The following SMYD3 variants were observed in gnomAD, a reference collection of about 807,000 sequenced individuals.
SMYD3 encodes the protein SET and MYND domain containing 3.
Under a neutral mutation model 57.7 loss-of-function variants are expected in SMYD3, and 36 were observed. The ratio of observed to expected loss-of-function variants is 0.62; its 90% CI spans 0.48 to 0.82. SMYD3 has a LOEUF of 0.82. Among genes scored for constraint, SMYD3 ranks in the 40% least tolerant of loss-of-function variants. The pLI is 0.00. For missense variants in SMYD3, 515 were observed against 538.8 expected (o/e 0.96, Z 0.44); for synonymous variants, 211 against 195.0 (o/e 1.08, Z -0.68).
At chr1:246,317,617 C>T (rs947638735) in intron 5 of SMYD3, among the ~76,000 whole-genome samples, 5 of 152,184 alleles carry the variant, frequency 3.3e-5, no homozygotes, top group African/African-American at 1.2e-4. Flanking sequence ...GCCTTTCAGG[C>T]TACAATGGCA....
chr1:246,088,412 A>G (rs1012359489), intron 5 of SMYD3, among the ~76,000 whole-genome samples: 1 of 150,732 alleles, frequency 6.6e-6, no homozygotes, highest in Non-Finnish European at 1.5e-5. Context: ...GATCGAGACC[A>G]TCCTGGCTAA....
intron 5 of SMYD3, among the ~76,000 whole-genome samples, chr1:246,308,607 A>G (rs2148628202): frequency 6.6e-6 from 1 of 152,338 alleles, no homozygotes; most frequent in East Asian, 1.9e-4. Flanking sequence ...TCAAAACAGC[A>G]ATACCATATG....
At chr1:246,257,883 C>T (rs1023130893) in intron 5 of SMYD3, among the ~76,000 whole-genome samples, 5 of 152,168 alleles carry the variant, frequency 3.3e-5, no homozygotes, top group African/African-American at 4.8e-5. Flanking sequence ...CCCTCTCCTG[C>T]TTCTGCCTTG....
chr1:246,430,856 A>G (rs1362799756), intron 1 of SMYD3, among the ~76,000 whole-genome samples: 1 of 152,250 alleles, frequency 6.6e-6, no homozygotes, highest in African/African-American at 2.4e-5. Context: ...GAAGAGAAGG[A>G]GCTTATGTAG....
intron 1 of SMYD3, among the ~76,000 whole-genome samples, chr1:246,477,637 T>C (rs2068045672): frequency 6.6e-6 from 1 of 152,234 alleles, no homozygotes; most frequent in Non-Finnish European, 1.5e-5. Flanking sequence ...CAGCAATAGA[T>C]ATTATAGAAC....
At chr1:246,317,643 G>A (rs1467271965) in intron 5 of SMYD3, among the ~76,000 whole-genome samples, 2 of 152,302 alleles carry the variant, frequency 1.3e-5, no homozygotes, top group African/African-American at 2.4e-5. Flanking sequence ...GAGTTGCCAC[G>A]ATAAGCATGT....
chr1:245,822,231 G>T (rs1227602306), intron 10 of SMYD3, among the ~76,000 whole-genome samples: 1 of 151,822 alleles, frequency 6.6e-6, no homozygotes, highest in African/African-American at 2.4e-5. Flanking sequence ...AAAATGATGA[G>T]TTCATGTCCT....
intron 1 of SMYD3, among the ~76,000 whole-genome samples, chr1:246,372,769 T>A (rs1572432713): frequency 1.3e-5 from 2 of 152,000 alleles, no homozygotes; most frequent in African/African-American, 4.8e-5. Flanking sequence ...GGCAGGCGGG[T>A]CACCTGAGGT....
intron 1 of SMYD3, among the ~76,000 whole-genome samples, chr1:246,401,213 G>A (rs920341445): frequency 2.0e-5 from 3 of 152,146 alleles, no homozygotes; most frequent in African/African-American, 7.2e-5. Flanking sequence ...TAAAAAATAA[G>A]GCCCAGGCAT....
intron 1 of SMYD3, among the ~76,000 whole-genome samples, chr1:246,436,542 C>A (rs2067376121): frequency 6.6e-6 from 1 of 152,178 alleles, no homozygotes; most frequent in African/African-American, 2.4e-5. Context: ...TTCCTGCCTC[C>A]CTAGTCTCCT....
chr1:246,288,231 G>C (rs1476867093), intron 5 of SMYD3, among the ~76,000 whole-genome samples: 1 of 151,842 alleles, frequency 6.6e-6, no homozygotes. Context: ...GTACCACCAC[G>C]CCTGGCTAAT....
chr1:246,214,527 A>G (rs1400256112), intron 5 of SMYD3, among the ~76,000 whole-genome samples: 2 of 152,210 alleles, frequency 1.3e-5, no homozygotes, highest in African/African-American at 2.4e-5. Flanking sequence ...ATATGAAGGA[A>G]TTGTTTAAAA....
chr1:246,284,248 T>C (rs912791427), intron 5 of SMYD3, among the ~76,000 whole-genome samples: 1 of 152,154 alleles, frequency 6.6e-6, no homozygotes, highest in African/African-American at 2.4e-5. Flanking sequence ...TGGTAATGTG[T>C]TGCAAACGCA....
chr1:245,923,937 C>T (rs558606246), intron 7 of SMYD3, among the ~76,000 whole-genome samples: 1 of 152,282 alleles, frequency 6.6e-6, no homozygotes, highest in South Asian at 2.1e-4. Flanking sequence ...AATGGTTTAG[C>T]AAATAAGATG....
chr1:246,280,568 T>C (rs933648006), intron 5 of SMYD3, among the ~76,000 whole-genome samples: 1 of 152,148 alleles, frequency 6.6e-6, no homozygotes, highest in Non-Finnish European at 1.5e-5. Flanking sequence ...GTCCAGCCAG[T>C]GCAACACAGT....
At chr1:246,043,156 G>A (rs1400007942) in intron 5 of SMYD3, among the ~76,000 whole-genome samples, 1 of 152,152 alleles carries the variant, frequency 6.6e-6, no homozygotes, top group Non-Finnish European at 1.5e-5. Flanking sequence ...TTACTCCATG[G>A]ATTAACTCTG....
intron 5 of SMYD3, among the ~76,000 whole-genome samples, chr1:246,158,951 C>T (rs2062069028): frequency 1.3e-5 from 2 of 152,046 alleles, no homozygotes; most frequent in South Asian, 2.1e-4. Flanking sequence ...ATATGCAGTA[C>T]CGAGAAGTAA....
rs186435998 is a variant in SMYD3, at chr1:245,964,652, C to T, written c.532-34715G>A. ...AAATTCTAAGAAAGCAAAAGTAATGCTAGAGATCAAAATCATTTTAACAGA... is the reference window on the plus strand; with the variant it reads ...AAATTCTAAGAAAGCAAAAGTAATGTTAGAGATCAAAATCATTTTAACAGA... On this transcript the variant is annotated intron_variant, in intron 5 of 11. Coordinates refer to ENST00000490107, the MANE Select transcript of SMYD3 (RefSeq NM_001167740.2). 3.3e-5 allele frequency among the ~76,000 whole-genome samples: 5 copies of T among 152,114 alleles called. No homozygotes were observed. In the East Asian group the frequency reaches 7.7e-4, roughly 24 times the overall value.
At chr1:246,448,704 T>TAAAAAAAAAAAAAAA (rs1553349829) in intron 1 of SMYD3, among the ~76,000 whole-genome samples, 1 of 81,438 alleles carries the variant, frequency 1.2e-5, no homozygotes, top group Non-Finnish European at 2.3e-5. Context: ...CTCTTTTTTT[T>TAAAAAAAAAAAAAAA]AAAAAAAAAA....
Sources: gnomAD v4.1 joint callset for allele counts (sites outside exome capture counted in the v4.1 genomes callset) on GRCh38, gnomAD v4.1.1 for gene constraint, MANE v1.5 for transcripts, NCBI Gene and HGNC (gene_info 2026-07-23, HGNC 2026-07-21) for gene names.